Variants in PTPRD observed in about 807,000 individuals in gnomAD.
PTPRD encodes receptor-type tyrosine-protein phosphatase delta.
In PTPRD, 34 loss-of-function variants were observed where a neutral mutation model predicts 214.5. The ratio of observed to expected loss-of-function variants is 0.16; its 90% CI spans 0.12 to 0.21. The LOEUF is 0.21. Among genes scored for constraint, PTPRD ranks in the 10% least tolerant of loss-of-function variants. PTPRD has a pLI of 1.00. For missense variants in PTPRD, 2,545 were observed against 2,398.7 expected (o/e 1.06, Z -1.27); for synonymous variants, 1,128 against 845.7 (o/e 1.33, Z -5.79).
intron 12 of PTPRD, among the ~76,000 whole-genome samples, chr9:8,697,863 C>T (rs181684848): frequency 1.3e-5 from 2 of 152,162 alleles, no homozygotes; most frequent in East Asian, 1.9e-4. Context: ...AAACTTTCTA[C>T]CAGAGCACTG....
At chr9:9,472,876 G>A (rs2094723048) in intron 8 of PTPRD, among the ~76,000 whole-genome samples, 3 of 152,058 alleles carry the variant, frequency 2.0e-5, no homozygotes, top group Admixed American at 2.0e-4. Context: ...AGATTTAAGG[G>A]ATGCAGTGAT....
rs766665834 is a variant in PTPRD at position 9,839,658 on chromosome 9, CA to C, written c.-367-72808del. ...TAATTTACAGATTCAATGCCATCCCCATCAAGCTACCAATGACTTTCTTCAC... is the reference window on the plus strand; with the variant it reads ...TAATTTACAGATTCAATGCCATCCCCTCAAGCTACCAATGACTTTCTTCAC... On this transcript the variant is annotated intron_variant, in intron 5 of 45. Transcript: ENST00000381196. Among the ~76,000 whole-genome samples, 49 of 151,698 alleles carry C rather than the reference CA, an allele frequency of 3.2e-4. No homozygotes were observed. In the South Asian group the frequency reaches 5.5e-3, roughly 17 times the overall value.
chr9:10,291,413 T>C (rs1243404383), intron 3 of PTPRD, among the ~76,000 whole-genome samples: 2 of 152,112 alleles, frequency 1.3e-5, no homozygotes, highest in Non-Finnish European at 2.9e-5. Context: ...TTTTCAGAGA[T>C]GATTAAGGGA....
At chr9:8,866,053 C>G (rs893744223) in intron 11 of PTPRD, among the ~76,000 whole-genome samples, 1 of 152,150 alleles carries the variant, frequency 6.6e-6, no homozygotes, top group Non-Finnish European at 1.5e-5. Flanking sequence ...CTTAGATGAA[C>G]AGAGCATTCA....
At chr9:8,898,800 A>G (rs971660012) in intron 11 of PTPRD, among the ~76,000 whole-genome samples, 1 of 152,204 alleles carries the variant, frequency 6.6e-6, no homozygotes, top group Admixed American at 6.5e-5. Context: ...TATCAGACAG[A>G]GAAGTCATCT....
chr9:10,520,274 G>A (rs1467040364), intron 2 of PTPRD, among the ~76,000 whole-genome samples: 1 of 152,170 alleles, frequency 6.6e-6, no homozygotes, highest in African/African-American at 2.4e-5. Context: ...GTAAATTGTG[G>A]TGGTCTACAT....
At chr9:10,458,851 T>C (rs1265313950) in intron 2 of PTPRD, among the ~76,000 whole-genome samples, 1 of 152,154 alleles carries the variant, frequency 6.6e-6, no homozygotes, top group Non-Finnish European at 1.5e-5. Flanking sequence ...GAATATAAAA[T>C]CAACATGCAA....
intron 9 of PTPRD, among the ~76,000 whole-genome samples, chr9:9,393,127 C>T (rs1163790821): frequency 6.6e-6 from 1 of 152,140 alleles, no homozygotes; most frequent in Non-Finnish European, 1.5e-5. Context: ...TGTCCACGAA[C>T]CTAATCTTTC....
intron 10 of PTPRD, among the ~76,000 whole-genome samples, chr9:9,086,538 TTC>T (rs562692163): frequency 1.5e-3 from 231 of 152,254 alleles, no homozygotes; most frequent in Middle Eastern, 6.8e-3. Context: ...CTAGATTGGA[TTC>T]TCAATTCTTG....
At chr9:9,668,745 G>A (rs934596680) in intron 7 of PTPRD, among the ~76,000 whole-genome samples, 22 of 151,846 alleles carry the variant, frequency 1.4e-4, no homozygotes, top group Admixed American at 3.9e-4. Flanking sequence ...ACTGATTTTC[G>A]TTTCATCTTT....
At chr9:8,832,776 TTC>T (rs138693882) in intron 11 of PTPRD, among the ~76,000 whole-genome samples, 119 of 148,882 alleles carry the variant, frequency 8.0e-4, no homozygotes, top group Admixed American at 8.7e-4. Context: ...TAAATTGGAG[TTC>T]TCTCTCTCTC....
intron 2 of PTPRD, among the ~76,000 whole-genome samples, chr9:10,520,681 AG>A (rs2051900002): frequency 6.6e-6 from 1 of 152,140 alleles, no homozygotes; most frequent in Admixed American, 6.6e-5. Flanking sequence ...CTCTCTTGCT[AG>A]GAGCTAATGC....
chr9:9,052,754 A>T (rs142854463), intron 10 of PTPRD, among the ~76,000 whole-genome samples: 1 of 152,214 alleles, frequency 6.6e-6, no homozygotes, highest in African/African-American at 2.4e-5. Context: ...CTGATTCCCA[A>T]TGGATAACTT....
At chr9:9,652,267 C>T (rs2096381157) in intron 7 of PTPRD, among the ~76,000 whole-genome samples, 1 of 152,182 alleles carries the variant, frequency 6.6e-6, no homozygotes, top group South Asian at 2.1e-4. Context: ...CTCTACACTT[C>T]AGGTTCCTGG....
At chr9:9,316,412 T>C (rs1456336808) in intron 9 of PTPRD, among the ~76,000 whole-genome samples, 1 of 152,136 alleles carries the variant, frequency 6.6e-6, no homozygotes, top group African/African-American at 2.4e-5. Flanking sequence ...CACATAGAGC[T>C]TCTGAAAGAA....
intron 4 of PTPRD, among the ~76,000 whole-genome samples, chr9:10,030,227 C>T (rs374145802): frequency 1.3e-5 from 2 of 152,008 alleles, no homozygotes; most frequent in South Asian, 2.1e-4. Context: ...CAAGGTTTTT[C>T]GAGTTAAATG....
intron 3 of PTPRD, among the ~76,000 whole-genome samples, chr9:10,157,954 G>T (rs189631127): frequency 6.6e-6 from 1 of 152,118 alleles, no homozygotes; most frequent in Non-Finnish European, 1.5e-5. Context: ...TGATTGCATT[G>T]TGAAATTATT....
chr9:10,252,746 T>G (rs2092901569), intron 3 of PTPRD, among the ~76,000 whole-genome samples: 1 of 152,130 alleles, frequency 6.6e-6, no homozygotes, highest in Admixed American at 6.6e-5. Context: ...CAGAATTAGT[T>G]TGATTTACAA....
chr9:8,668,982 A>G (rs897250126), intron 12 of PTPRD, among the ~76,000 whole-genome samples: 1 of 152,084 alleles, frequency 6.6e-6, no homozygotes, highest in African/African-American at 2.4e-5. Flanking sequence ...CCCAGCTGTC[A>G]CAAGAAGAGG....
Sources: allele counts gnomAD v4.1 joint callset (sites outside exome capture counted in the v4.1 genomes callset), GRCh38; gene constraint gnomAD v4.1.1; transcripts MANE v1.5; gene names NCBI Gene and HGNC (gene_info 2026-07-23, HGNC 2026-07-21).